Variants in ZC3H12B observed in about 807,000 individuals in gnomAD.
ZC3H12B encodes the protein probable ribonuclease ZC3H12B.
In ZC3H12B, 7 loss-of-function variants were observed where a neutral mutation model predicts 43.9. That is an observed-to-expected ratio of 0.16 (90% CI 0.09 to 0.30). The LOEUF is 0.30. Among genes scored for constraint, ZC3H12B ranks in the 10% least tolerant of loss-of-function variants. ZC3H12B has a pLI of 1.00. For missense variants in ZC3H12B, 475 were observed against 670.2 expected (o/e 0.71, Z 3.22); for synonymous variants, 222 against 241.7 (o/e 0.92, Z 0.76).
intron 3 of ZC3H12B, among the ~76,000 whole-genome samples, chrX:65,425,438 C>G (rs1265063666): frequency 1.8e-5 from 2 of 111,065 alleles, no homozygotes; most frequent in Non-Finnish European, 3.8e-5. Context: ...ACCCTCTATT[C>G]CTTTTTGAAT....
At chrX:65,251,613 G>A in the ZC3H12B span, among the ~76,000 whole-genome samples, 12 of 111,035 alleles carry the variant, frequency 1.1e-4, no homozygotes, top group Non-Finnish European at 1.9e-4. Flanking sequence ...CTTTTATTTC[G>A]TTGAGCAGTG....
At chrX:65,167,959 T>C in the ZC3H12B span, among the ~76,000 whole-genome samples, 9 of 112,034 alleles carry the variant, frequency 8.0e-5, no homozygotes, top group South Asian at 3.4e-3. Flanking sequence ...GTTTTCGAAA[T>C]ATACAGTCAT....
chrX:65,160,748 G>A, the ZC3H12B span, among the ~76,000 whole-genome samples: 6 of 111,348 alleles, frequency 5.4e-5, no homozygotes, highest in South Asian at 7.5e-4. Context: ...GGTTTTTTGT[G>A]TCTCTATTTC....
chrX:65,427,219 C>G (rs2067093957), intron 3 of ZC3H12B, among the ~76,000 whole-genome samples: 1 of 111,633 alleles, frequency 9.0e-6, no homozygotes, highest in Non-Finnish European at 1.9e-5. Flanking sequence ...TAATGCCCTT[C>G]TTTGTCTTTT....
At chrX:65,339,992 C>A in the ZC3H12B span, among the ~76,000 whole-genome samples, 1 of 111,879 alleles carries the variant, frequency 8.9e-6, no homozygotes, top group African/African-American at 3.2e-5. Context: ...CCCCCACAAC[C>A]AACATACCAC....
intron 3 of ZC3H12B, among the ~76,000 whole-genome samples, chrX:65,468,650 A>ATT (rs60716703): frequency 0.066 from 4,952 of 74,815 alleles, 669 homozygotes; most frequent in African/African-American, 0.28. Flanking sequence ...TGCCCGGCTA[A>ATT]TTTTTTTTTT....
chrX:65,394,384 T>C lies in ZC3H12B; in HGVS notation n.296-4209T>C, dbSNP rs765930404. On this transcript the variant is annotated intron_variant and non_coding_transcript_variant, in intron 2 of 5. Coordinates refer to the ZC3H12B transcript ENST00000617377. ...ATCTTGAGCTAATTTTTGTATTAGG[T>C]GTAAGGAACGGCTCCAGTTTCTGTT... Among the ~76,000 whole-genome samples, 160 of 112,717 alleles carry C rather than the reference T, an allele frequency of 1.4e-3. 1 individual carries two copies. The highest frequency in any genetic ancestry group is 5.1e-3 in the African/African-American group (157 of 31,079).
the ZC3H12B span, among the ~76,000 whole-genome samples, chrX:65,204,119 G>A: frequency 8.9e-6 from 1 of 112,422 alleles, no homozygotes; most frequent in Non-Finnish European, 1.9e-5. Context: ...TGGAGGAGGA[G>A]CAGTGTTGTC....
the ZC3H12B span, among the ~76,000 whole-genome samples, chrX:65,344,228 T>C: frequency 1.8e-5 from 2 of 112,237 alleles, no homozygotes; most frequent in East Asian, 5.6e-4. Flanking sequence ...TTAGGAAGAA[T>C]TGATATCGTT....
the ZC3H12B span, among the ~76,000 whole-genome samples, chrX:65,320,073 A>G: frequency 9.0e-6 from 1 of 111,438 alleles, no homozygotes; most frequent in African/African-American, 3.3e-5. Flanking sequence ...AGAGAAAGAC[A>G]TAGCACACAA....
chrX:65,207,249 T>TAC, the ZC3H12B span, among the ~76,000 whole-genome samples: 5 of 103,365 alleles, frequency 4.8e-5, no homozygotes, highest in African/African-American at 7.6e-5. Context: ...TGTGTGTATA[T>TAC]ATACACACAC....
the ZC3H12B span, among the ~76,000 whole-genome samples, chrX:65,240,022 AATCTTGAAGAATCTG>A: frequency 1.8e-5 from 2 of 110,826 alleles, no homozygotes; most frequent in Admixed American, 1.9e-4. Flanking sequence ...ATTTCATTTC[AATCTTGAAGAATCTG>A]ATGATTATGT....
At chrX:65,330,117 G>T in the ZC3H12B span, among the ~76,000 whole-genome samples, 106 of 111,379 alleles carry the variant, frequency 9.5e-4, no homozygotes, top group Non-Finnish European at 1.3e-3. Flanking sequence ...GGGATGGCAT[G>T]GAATCTATAA....
chrX:65,053,250 G>A, the ZC3H12B span, among the ~76,000 whole-genome samples: 8 of 110,163 alleles, frequency 7.3e-5, no homozygotes, highest in East Asian at 1.1e-3. Context: ...AATGCTATCC[G>A]TCCCCACTCC....
the ZC3H12B span, among the ~76,000 whole-genome samples, chrX:65,045,440 C>A: frequency 8.9e-6 from 1 of 112,050 alleles, no homozygotes; most frequent in African/African-American, 3.2e-5. Flanking sequence ...TTTTCTCCAG[C>A]AGTAGATTCC....
chrX:65,452,787 G>T (rs895389533), intron 3 of ZC3H12B, among the ~76,000 whole-genome samples: 45 of 108,932 alleles, frequency 4.1e-4, no homozygotes, highest in Admixed American at 9.8e-4. Flanking sequence ...GTTACAGCAA[G>T]CCAAGATAGT....
At chrX:65,046,113 C>A in the ZC3H12B span, among the ~76,000 whole-genome samples, 8 of 110,973 alleles carry the variant, frequency 7.2e-5, no homozygotes, top group African/African-American at 2.6e-4. Flanking sequence ...TTATTATGGG[C>A]CCTAGGATTT....
chrX:65,482,897 G>C (rs1025724149), intron 3 of ZC3H12B, among the ~76,000 whole-genome samples: 2 of 111,767 alleles, frequency 1.8e-5, no homozygotes, highest in African/African-American at 6.5e-5. Context: ...AAATGAATGA[G>C]TAATGAAAAT....
chrX:65,301,116 A>C, the ZC3H12B span, among the ~76,000 whole-genome samples: 1 of 111,589 alleles, frequency 9.0e-6, no homozygotes, highest in Non-Finnish European at 1.9e-5. Flanking sequence ...GGAAAATACA[A>C]ATCAAAACCA....
Sources: allele counts gnomAD v4.1 joint callset (sites outside exome capture counted in the v4.1 genomes callset), GRCh38; gene constraint gnomAD v4.1.1; transcripts MANE v1.5; gene names NCBI Gene and HGNC (gene_info 2026-07-23, HGNC 2026-07-21).